ELP4: variants seen among roughly 807,000 people sequenced by gnomAD.
The protein encoded by ELP4 is elongator complex protein 4.
A neutral mutation model predicts 48.9 loss-of-function variants in ELP4; 51 were observed. That is an observed-to-expected ratio of 1.04 (90% CI 0.83 to 1.32). The LOEUF (loss-of-function observed/expected upper bound fraction) is 1.32, where lower values mean the gene tolerates loss of function less well. Ranked by LOEUF, ELP4 falls within the 40% of genes most tolerant of loss-of-function variation. The pLI is 0.00. For synonymous variants in ELP4, 210 were observed against 189.2 expected, an observed-to-expected ratio of 1.11 and a Z score of -0.90; for missense variants, 519 against 514.6, an observed-to-expected ratio of 1.01 and a Z score of -0.08.
intron 3 of ELP4, among the ~76,000 whole-genome samples, chr11:31,570,838 C>T (rs1957182587): frequency 1.6e-5 from 2 of 121,340 alleles, no homozygotes; most frequent in Admixed American, 1.1e-4. Flanking sequence ...CTCACTCTGT[C>T]GCCCATGCTG....
chr11:31,766,833 C>G (rs930359801), intron 9 of ELP4, among the ~76,000 whole-genome samples: 1 of 151,898 alleles, frequency 6.6e-6, no homozygotes, highest in African/African-American at 2.4e-5. Context: ...GATGTATTTG[C>G]TTAAACTGAT....
intron 9 of ELP4, among the ~76,000 whole-genome samples, chr11:31,775,103 G>A (rs1365916957): frequency 6.6e-6 from 1 of 152,184 alleles, no homozygotes; most frequent in Non-Finnish European, 1.5e-5. Context: ...CCTAGAGCAA[G>A]AATGCAAATA....
At chr11:31,618,340 G>A (rs1944541361) in intron 5 of ELP4, among the ~76,000 whole-genome samples, 1 of 152,026 alleles carries the variant, frequency 6.6e-6, no homozygotes, top group South Asian at 2.1e-4. Context: ...CAAGTTGCCA[G>A]CATGTTTGGT....
intron 9 of ELP4, among the ~76,000 whole-genome samples, chr11:31,702,584 A>G (rs1946548285): frequency 1.3e-5 from 2 of 152,122 alleles, no homozygotes. Context: ...CACTGTGTAT[A>G]TATTTAAAAT....
At chr11:31,756,704 A>G (rs1272972684) in intron 9 of ELP4, among the ~76,000 whole-genome samples, 1 of 152,248 alleles carries the variant, frequency 6.6e-6, no homozygotes, top group East Asian at 1.9e-4. Flanking sequence ...AAAGGAGAGG[A>G]CAGGGAGGTT....
intron 3 of ELP4, among the ~76,000 whole-genome samples, chr11:31,572,582 T>C (rs1157268941): frequency 6.6e-6 from 1 of 152,220 alleles, no homozygotes; most frequent in African/African-American, 2.4e-5. Flanking sequence ...AGAGAGGATA[T>C]GTTTATAGAG....
intron 1 of ELP4, among the ~76,000 whole-genome samples, chr11:31,516,805 A>G (rs1341934362): frequency 2.0e-5 from 3 of 152,050 alleles, no homozygotes; most frequent in African/African-American, 4.8e-5. Context: ...ATCCTTTTTG[A>G]TGGCTATCAT....
chr11:31,652,135 C>T (rs1945333065), intron 9 of ELP4: 1 of 151,652 alleles, frequency 6.6e-6, no homozygotes, highest in Admixed American at 6.6e-5. Flanking sequence ...GAAAACAAAA[C>T]ACAAATAGAC....
At chr11:31,769,599 G>T (rs1363189708) in intron 9 of ELP4, among the ~76,000 whole-genome samples, 1 of 152,144 alleles carries the variant, frequency 6.6e-6, no homozygotes, top group South Asian at 2.1e-4. Context: ...ATTGGATAGT[G>T]GATCTGCTGC....
chr11:31,540,775 A>C (rs1471489171), intron 3 of ELP4, among the ~76,000 whole-genome samples: 1 of 152,236 alleles, frequency 6.6e-6, no homozygotes, highest in African/African-American at 2.4e-5. Flanking sequence ...ACAACTGTAG[A>C]TTGTTTGGTA....
At chr11:31,641,197 C>T (rs1254986107) in intron 7 of ELP4, among the ~76,000 whole-genome samples, 1 of 151,780 alleles carries the variant, frequency 6.6e-6, no homozygotes, top group Non-Finnish European at 1.5e-5. Flanking sequence ...ATAGGTTTGG[C>T]GCTGTACATC....
intron 9 of ELP4, among the ~76,000 whole-genome samples, chr11:31,742,938 T>A (rs1325781232): frequency 6.6e-6 from 1 of 152,162 alleles, no homozygotes; most frequent in African/African-American, 2.4e-5. Flanking sequence ...ATGCTCCAAT[T>A]AAAAGACACA....
At chr11:31,660,298 A>G (rs1945528169) in intron 9 of ELP4, among the ~76,000 whole-genome samples, 1 of 152,116 alleles carries the variant, frequency 6.6e-6, no homozygotes, top group African/African-American at 2.4e-5. Context: ...GTAGCATTGA[A>G]AAAGATGGTA....
intron 9 of ELP4, among the ~76,000 whole-genome samples, chr11:31,721,524 A>G (rs1435110860): frequency 6.6e-6 from 1 of 151,854 alleles, no homozygotes; most frequent in Admixed American, 6.6e-5. Context: ...CTGTGTATTC[A>G]ACTCCTGATT....
At chr11:31,689,960 A>G (rs1244761898) in intron 9 of ELP4, among the ~76,000 whole-genome samples, 1 of 152,192 alleles carries the variant, frequency 6.6e-6, no homozygotes, top group Non-Finnish European at 1.5e-5. Context: ...CACCTCCTCC[A>G]TATACCAGGG....
intron 3 of ELP4, among the ~76,000 whole-genome samples, chr11:31,570,608 C>T (rs1172182208): frequency 6.6e-6 from 1 of 151,202 alleles, no homozygotes; most frequent in Non-Finnish European, 1.5e-5. Context: ...GCTGGGATTA[C>T]AGGCACCCAC....
At chr11:31,571,733 C>A (rs1957196365) in intron 3 of ELP4, among the ~76,000 whole-genome samples, 1 of 152,190 alleles carries the variant, frequency 6.6e-6, no homozygotes, top group African/African-American at 2.4e-5. Flanking sequence ...AAACAGTAAT[C>A]TCCTTGTACA....
chr11:31,713,805 T>C (rs1306505671), intron 9 of ELP4, among the ~76,000 whole-genome samples: 2 of 152,110 alleles, frequency 1.3e-5, no homozygotes, highest in Non-Finnish European at 2.9e-5. Flanking sequence ...GAGAATAATA[T>C]AATAAACCCC....
chr11:31,751,110 A>G (rs533604097), intron 9 of ELP4, among the ~76,000 whole-genome samples: 1 of 152,354 alleles, frequency 6.6e-6, no homozygotes, highest in South Asian at 2.1e-4. Context: ...AGAAGTACAT[A>G]CAATACACAT....
Sources: gnomAD v4.1 joint callset for allele counts (sites outside exome capture counted in the v4.1 genomes callset) on GRCh38, gnomAD v4.1.1 for gene constraint, MANE v1.5 for transcripts, NCBI Gene and HGNC (gene_info 2026-07-23, HGNC 2026-07-21) for gene names.